Variants in OR13A1 observed in about 807,000 individuals in gnomAD.
The protein encoded by OR13A1 is olfactory receptor 13A1.
OR13A1 carries 10 observed loss-of-function variants against 7.5 expected under a neutral mutation model. That is an observed-to-expected ratio of 1.34 (90% CI 0.83 to 2.27). The LOEUF (loss-of-function observed/expected upper bound fraction) is 2.27, where lower values mean the gene tolerates loss of function less well. Among genes scored for constraint, OR13A1 ranks in the 30% most tolerant of loss-of-function variants. The pLI is 0.00. For missense variants in OR13A1, 509 were observed against 419.1 expected (o/e 1.21, Z -1.87); for synonymous variants, 238 against 177.9 (o/e 1.34, Z -2.69).
chr10:45,303,284 A>C lies in OR13A1; in HGVS notation c.*152T>G. The C allele has an allele frequency of 1.3e-6, 1 of 794,542 alleles. No individual in the cohort carries two copies. The highest frequency in any genetic ancestry group is 2.5e-5 in the East Asian group (1 of 40,232). 49.2% of individuals were successfully genotyped at this position (794,542 alleles called of 1,614,324 possible). A position where few individuals can be genotyped will look rare whatever the true frequency, so the allele number is the denominator to read the frequency against. On this transcript the variant is annotated 3_prime_UTR_variant, in exon 4 of 4. Transcript: ENST00000553795. ...CACCTACCGCAATCCCCCCATCACC[A>C]AGTCTCAGGGAACCAGCACTCCCAG...
Position 45,304,535 on chromosome 10 carries a change from G to C in OR13A1, c.-12-101C>G, listed in dbSNP as rs542466825. ...AGATAGAGATGCATTAGGGCATATTGATTAAGATAAACACCCCAATATTAC... is the reference window on the plus strand; with the variant it reads ...AGATAGAGATGCATTAGGGCATATTCATTAAGATAAACACCCCAATATTAC... On this transcript the variant is annotated intron_variant, in intron 3 of 3. Transcript: ENST00000553795. 6.9e-6 allele frequency: 7 copies of C among 1,016,274 alleles called. No individual in the cohort carries two copies. In the African/African-American group the frequency reaches 1.1e-4, roughly 16 times the overall value. 63.0% of individuals were successfully genotyped at this position (1,016,274 alleles called of 1,614,324 possible). A position where few individuals can be genotyped will look rare whatever the true frequency, so the allele number is the denominator to read the frequency against.
intron 1 of OR13A1, among the ~76,000 whole-genome samples, chr10:45,313,840 A>C (rs1344489636): frequency 6.6e-6 from 1 of 152,174 alleles, no homozygotes; most frequent in Non-Finnish European, 1.5e-5. Flanking sequence ...CCTCACTTAC[A>C]ATAATGGCTA....
chr10:45,306,882 G>T (rs147115832), intron 3 of OR13A1, among the ~76,000 whole-genome samples: 120 of 152,228 alleles, frequency 7.9e-4, no homozygotes, highest in African/African-American at 2.9e-3. Flanking sequence ...TTATTGTTTG[G>T]GACAAAAAGA....
chr10:45,303,197 C>T lies in OR13A1; in HGVS notation c.*239G>A, dbSNP rs1156468569. The stretch of plus-strand genomic sequence containing the variant: ...TAGGCCCTGTGTTTCTCTGCCAACT[C>T]AGCACTGACACCACCTTGGAGTCAG... On this transcript the variant is annotated 3_prime_UTR_variant, in exon 4 of 4. Transcript: ENST00000553795. The T allele has an allele frequency of 6.0e-6, 3 of 499,778 alleles. No individual in the cohort carries two copies. Among genetic ancestry groups the T allele is most frequent in the Non-Finnish European group, 1.1e-5 (3 of 284,648 alleles). The allele number at this position is 499,778 out of a possible 1,614,324, so 31.0% of individuals were successfully genotyped here.
intron 1 of OR13A1, among the ~76,000 whole-genome samples, chr10:45,313,871 G>A (rs1194489432): frequency 6.6e-6 from 1 of 152,042 alleles, no homozygotes; most frequent in African/African-American, 2.4e-5. Context: ...ACAGAAAATC[G>A]ATAAGGAAAT....
At position 45,304,220 on chromosome 10, in the gene OR13A1, G is replaced by A. The variant is rs973773006; in HGVS notation, c.203C>T (p.Thr68Met). The A allele has an allele frequency of 2.5e-6, 4 of 1,614,206 alleles. No individual in the cohort carries two copies. The highest frequency in any genetic ancestry group is 2.2e-5 in the East Asian group (1 of 44,880). The change falls in exon 4 of 4, where the codon ACG becomes ATG. Residue 68 changes from threonine (T) to methionine (M), a missense_variant. Physicochemically the swap from Thr to Met is moderately conservative, Grantham distance 81. Coordinates refer to ENST00000553795, the MANE Select transcript of OR13A1 (RefSeq NM_001004297.3). ...TGNVLITLAI[T>M]FNPGLHAPMY... ...AGGAGCGTGGAGCCCAGGGTTGAAC[G>A]TGATGGCCAAGGTGATGAGGACATT...
chr10:45,303,669 TC>T lies in OR13A1; in HGVS notation c.753del (p.Arg252GlyfsTer27). Reference protein sequence around the residue: ...SSILKVKTAWGRQKAFSTCSS... With the variant: ...SSILKVKTAWXRQKAFSTCSS... Reference sequence around the variant, plus strand: ...GAGCAGGTGGAGAAGGCTTTCTGCCTCCCCCAGGCAGTCTTCACCTTCAGGA... The same window carrying T: ...GAGCAGGTGGAGAAGGCTTTCTGCCTCCCCAGGCAGTCTTCACCTTCAGGA... On this transcript the variant is annotated frameshift_variant, in exon 4 of 4. Coordinates refer to ENST00000553795, the MANE Select transcript of OR13A1 (RefSeq NM_001004297.3). LOFTEE classifies it low-confidence loss of function (END_TRUNC). 6.2e-7 allele frequency: 1 copy of T among 1,613,930 alleles called. No homozygotes were observed. Among genetic ancestry groups the T allele is most frequent in the Non-Finnish European group, 8.5e-7 (1 of 1,179,982 alleles).
Position 45,303,194 on chromosome 10 carries a change from A to G in OR13A1, c.*242T>C, listed in dbSNP as rs781324890. The G allele has an allele frequency of 2.0e-6, 1 of 499,066 alleles. No individual in the cohort carries two copies. The highest frequency in any genetic ancestry group is 3.5e-6 in the Non-Finnish European group (1 of 284,078). 30.9% of individuals were successfully genotyped at this position (499,066 alleles called of 1,614,324 possible). On this transcript the variant is annotated 3_prime_UTR_variant, in exon 4 of 4. Transcript: ENST00000553795. ...TCCTAGGCCCTGTGTTTCTCTGCCAACTCAGCACTGACACCACCTTGGAGT... is the reference window on the plus strand; with the variant it reads ...TCCTAGGCCCTGTGTTTCTCTGCCAGCTCAGCACTGACACCACCTTGGAGT...
intron 1 of OR13A1, among the ~76,000 whole-genome samples, chr10:45,312,459 GA>G (rs1176560928): frequency 1.3e-5 from 2 of 150,984 alleles, no homozygotes; most frequent in Admixed American, 6.6e-5. Context: ...AGTACTGAAA[GA>G]AAAAAACTGT....
Position 45,314,660 on chromosome 10 carries a change from A to G in OR13A1, c.-225+864T>C, listed in dbSNP as rs150798923. Among the ~76,000 whole-genome samples the G allele has an allele frequency of 2.0e-5, 3 of 152,226 alleles. No homozygotes were observed. The East Asian group carries it at 5.8e-4, about 29-fold the overall frequency. ...GTTTTTGAAAACACCAACAAAATTA[A>G]CAAATGCTTAGCTAGATTAACTAAG... On this transcript the variant is annotated intron_variant, in intron 1 of 3. Transcript: ENST00000553795.
chr10:45,304,555 T>A, intron 3 of OR13A1, 121 bp from the exon 4 acceptor site: 1 of 820,776 alleles, frequency 1.2e-6, no homozygotes, highest in South Asian at 1.8e-5. Flanking sequence ...AACACCCCAA[T>A]ATTACAGTAG....
At chr10:45,306,256 C>T (rs1838327297) in intron 3 of OR13A1, among the ~76,000 whole-genome samples, 1 of 152,122 alleles carries the variant, frequency 6.6e-6, no homozygotes, top group Admixed American at 6.5e-5. Context: ...AGATCGAGAC[C>T]TTCCTGGCTA....
At chr10:45,305,176 G>A (rs1388515425) in intron 3 of OR13A1, among the ~76,000 whole-genome samples, 3 of 151,956 alleles carry the variant, frequency 2.0e-5, no homozygotes, top group Non-Finnish European at 4.4e-5. Context: ...CAAGGTTTCG[G>A]TGAGCTGAGA....
Position 45,302,828 on chromosome 10 carries a change from T to TA in OR13A1, c.*607dup, listed in dbSNP as rs1181701987. On this transcript the variant is annotated 3_prime_UTR_variant, in exon 4 of 4. Coordinates refer to ENST00000553795, the MANE Select transcript of OR13A1 (RefSeq NM_001004297.3). ...CTCCAGGCCAATTAGGTAGGTCAGA[T>TA]ACTCAGAATCTGAAGTGTTAGTAAG... The TA allele has an allele frequency of 6.6e-6, 1 of 152,322 alleles. No individual in the cohort carries two copies. Among genetic ancestry groups the TA allele is most frequent in the Admixed American group, 6.5e-5 (1 of 15,286 alleles). The allele number at this position is 152,322 out of a possible 1,614,324, so 9.4% of individuals were successfully genotyped here.
chr10:45,312,319 TAATAAA>T, intron 1 of OR13A1, among the ~76,000 whole-genome samples: 1 of 151,852 alleles, frequency 6.6e-6, no homozygotes, highest in African/African-American at 2.4e-5. Flanking sequence ...TCAAAATCAA[TAATAAA>T]AATAAAATCT....
chr10:45,306,983 C>T (rs775535973), intron 3 of OR13A1, among the ~76,000 whole-genome samples: 6 of 152,198 alleles, frequency 3.9e-5, no homozygotes, highest in African/African-American at 7.2e-5. Context: ...TGAGTGACTC[C>T]TCTTTAACTC....
chr10:45,313,196 G>A (rs1049602107), intron 1 of OR13A1, among the ~76,000 whole-genome samples: 2 of 152,016 alleles, frequency 1.3e-5, no homozygotes, highest in African/African-American at 4.8e-5. Context: ...CACAGTCGAA[G>A]TTATTCTCTT....
chr10:45,302,490 G>A (rs1319161865), downstream of OR13A1: 1 of 152,194 alleles, frequency 6.6e-6, no homozygotes, highest in African/African-American at 2.4e-5. Flanking sequence ...ACTGGATGAA[G>A]AACCATCCCA....
chr10:45,307,862 C>T (rs1054772594), intron 1 of OR13A1, 54 bp from the exon 2 acceptor site: 1 of 152,086 alleles, frequency 6.6e-6, no homozygotes, highest in East Asian at 1.9e-4. Flanking sequence ...AAAGAAATAA[C>T]AATAATAGTC....
Sources: gnomAD v4.1 joint callset for allele counts (sites outside exome capture counted in the v4.1 genomes callset) on GRCh38, gnomAD v4.1.1 for gene constraint, MANE v1.5 for transcripts, NCBI Gene and HGNC (gene_info 2026-07-23, HGNC 2026-07-21) for gene names.